TBC1D9: variants seen among roughly 807,000 people sequenced by gnomAD.
TBC1D9 encodes TBC1 domain family member 9, also known as TBC1 domain family member 9A.
In TBC1D9, 63 loss-of-function variants were observed where a neutral mutation model predicts 132.0. The ratio of observed to expected loss-of-function variants is 0.48; its 90% CI spans 0.39 to 0.59. The LOEUF (loss-of-function observed/expected upper bound fraction) is 0.59, where lower values mean the gene tolerates loss of function less well. Ranked by LOEUF, TBC1D9 falls within the 20% of genes least tolerant of loss-of-function variation. The pLI is 0.00. For synonymous variants in TBC1D9, 610 were observed against 609.9 expected, an observed-to-expected ratio of 1.00 and a Z score of 0.00; for missense variants, 1,261 against 1,592.7, an observed-to-expected ratio of 0.79 and a Z score of 3.54.
chr4:140,643,235 C>T (rs1454356700), intron 13 of TBC1D9: 1 of 1,332,238 alleles, frequency 7.5e-7, no homozygotes, highest in Non-Finnish European at 1.0e-6. Flanking sequence ...CCTTCTTGCT[C>T]CTCCTCTCCA....
intron 6 of TBC1D9, among the ~76,000 whole-genome samples, chr4:140,671,322 C>T (rs1166800138): frequency 3.3e-5 from 5 of 152,164 alleles, no homozygotes; most frequent in African/African-American, 1.2e-4. Context: ...TGCCATCCCA[C>T]TCCACCACAA....
At chr4:140,705,962 C>G (rs1410101132) in intron 1 of TBC1D9, among the ~76,000 whole-genome samples, 1 of 152,160 alleles carries the variant, frequency 6.6e-6, no homozygotes, top group Admixed American at 6.5e-5. Context: ...GTGCTGTTTT[C>G]AAGGAGATTC....
At chr4:140,632,875 C>CCTAAGAG (rs747595598) in intron 16 of TBC1D9, among the ~76,000 whole-genome samples, 6 of 152,188 alleles carry the variant, frequency 3.9e-5, no homozygotes, top group Non-Finnish European at 8.8e-5. Flanking sequence ...CATTATTACA[C>CCTAAGAG]CTAAGAGCTG....
chr4:140,670,456 TC>T, intron 7 of TBC1D9: 1 of 433,184 alleles, frequency 2.3e-6, no homozygotes, highest in Non-Finnish European at 4.2e-6. Context: ...TGGACCTGAG[TC>T]ACTTGCTATG....
At chr4:140,727,187 A>G (rs1230524573) in intron 1 of TBC1D9, among the ~76,000 whole-genome samples, 2 of 152,232 alleles carry the variant, frequency 1.3e-5, no homozygotes, top group Non-Finnish European at 2.9e-5. Context: ...AAACACAGCC[A>G]TAATGAGTTA....
intron 1 of TBC1D9, among the ~76,000 whole-genome samples, chr4:140,705,764 T>C (rs1478434765): frequency 6.6e-6 from 1 of 152,160 alleles, no homozygotes; most frequent in Non-Finnish European, 1.5e-5. Context: ...TGGAAATGGC[T>C]GTCAAAATAC....
Position 140,681,995 on chromosome 4 carries a change from C to T in TBC1D9, c.361-2152G>A, listed in dbSNP as rs377590800. Among the ~76,000 whole-genome samples the T allele has an allele frequency of 5.9e-5, 9 of 152,202 alleles. No individual in the cohort carries two copies. In the South Asian group the frequency reaches 6.2e-4, roughly 11 times the overall value. On this transcript the variant is annotated intron_variant, in intron 3 of 20. Coordinates refer to ENST00000442267, the MANE Select transcript of TBC1D9 (RefSeq NM_015130.3). ...AATTCCAAAGATAAAAAGAATGTCT[C>T]GAACATTTTAATCACCAATATCTAG...
At chr4:140,640,103 G>A (rs564620116) in intron 13 of TBC1D9, among the ~76,000 whole-genome samples, 1 of 152,048 alleles carries the variant, frequency 6.6e-6, no homozygotes, top group Non-Finnish European at 1.5e-5. Context: ...AAATATATTT[G>A]GAAACCAAAA....
chr4:140,738,527 G>T (rs1738711247), intron 1 of TBC1D9, among the ~76,000 whole-genome samples: 1 of 152,218 alleles, frequency 6.6e-6, no homozygotes, highest in Admixed American at 6.6e-5. Context: ...TTTGGAAAAA[G>T]CACAGGACAC....
At chr4:140,752,783 T>G (rs899354555) in intron 1 of TBC1D9, among the ~76,000 whole-genome samples, 2 of 152,216 alleles carry the variant, frequency 1.3e-5, no homozygotes, top group African/African-American at 4.8e-5. Context: ...AAATGTTAAG[T>G]GTCCTCAACT....
intron 3 of TBC1D9, among the ~76,000 whole-genome samples, chr4:140,683,043 C>T (rs747227722): frequency 6.6e-6 from 1 of 152,068 alleles, no homozygotes; most frequent in African/African-American, 2.4e-5. Context: ...TGCACCACCA[C>T]GCCTGGCTAA....
intron 1 of TBC1D9, among the ~76,000 whole-genome samples, chr4:140,705,887 C>T (rs755532835): frequency 3.9e-5 from 6 of 152,126 alleles, no homozygotes; most frequent in Non-Finnish European, 5.9e-5. Flanking sequence ...AAATTACAGC[C>T]CTCAAAATAA....
At chr4:140,640,961 C>CAA (rs927656638) in intron 13 of TBC1D9, among the ~76,000 whole-genome samples, 1 of 150,898 alleles carries the variant, frequency 6.6e-6, no homozygotes, top group African/African-American at 2.4e-5. Context: ...CACTATTAAC[C>CAA]AAAAGTCAGT....
intron 1 of TBC1D9, among the ~76,000 whole-genome samples, chr4:140,750,294 C>T (rs529940557): frequency 6.6e-6 from 1 of 151,842 alleles, no homozygotes; most frequent in East Asian, 1.9e-4. Context: ...GAGGTCCTAG[C>T]CTGTCAAGAA....
chr4:140,739,318 C>T (rs1479391763), intron 1 of TBC1D9, among the ~76,000 whole-genome samples: 1 of 152,180 alleles, frequency 6.6e-6, no homozygotes, highest in Non-Finnish European at 1.5e-5. Flanking sequence ...ACTCACTTTG[C>T]CCAAGTTTCC....
chr4:140,649,352 G>A lies in TBC1D9; in HGVS notation c.2337+7745C>T, dbSNP rs550594631. Reference sequence around the variant, plus strand: ...ATTATGCTCAAAATGCCTCTTTGGTGTTTCTGAATTTGTGGGGTTATTTTC... The same window carrying A: ...ATTATGCTCAAAATGCCTCTTTGGTATTTCTGAATTTGTGGGGTTATTTTC... On this transcript the variant is annotated intron_variant, in intron 13 of 20. Transcript: ENST00000442267. 5.3e-4 allele frequency among the ~76,000 whole-genome samples: 80 copies of A among 152,344 alleles called. 1 individual carries two copies. Among genetic ancestry groups the A allele is most frequent in the African/African-American group, 1.7e-3 (69 of 41,564 alleles).
intron 9 of TBC1D9, among the ~76,000 whole-genome samples, chr4:140,662,599 A>T (rs573586218): frequency 6.6e-6 from 1 of 152,328 alleles, no homozygotes; most frequent in Non-Finnish European, 1.5e-5. Flanking sequence ...TGAAGGGTTT[A>T]ATAGCCATAT....
intron 9 of TBC1D9, 60 bp downstream of exon 9, chr4:140,668,857 A>C (rs569044759): frequency 1.3e-6 from 2 of 1,580,904 alleles, no homozygotes; most frequent in South Asian, 2.3e-5. Context: ...AGGCACAGGG[A>C]GGCCCTGGTG....
At chr4:140,708,701 A>C (rs1299367489) in intron 1 of TBC1D9, among the ~76,000 whole-genome samples, 2 of 152,172 alleles carry the variant, frequency 1.3e-5, no homozygotes, top group Non-Finnish European at 1.5e-5. Flanking sequence ...ACCATAGCCA[A>C]TGTGAAGGTA....
Sources: gnomAD v4.1 joint callset for allele counts (sites outside exome capture counted in the v4.1 genomes callset) on GRCh38, gnomAD v4.1.1 for gene constraint, MANE v1.5 for transcripts, NCBI Gene and HGNC (gene_info 2026-07-23, HGNC 2026-07-21) for gene names.